The following SHTN1 variants were observed in gnomAD, a reference collection of about 807,000 sequenced individuals.
The protein encoded by SHTN1 is shootin 1.
A neutral mutation model predicts 83.1 loss-of-function variants in SHTN1; 42 were observed. The observed-to-expected ratio is 0.51, with a 90% CI of 0.39 to 0.65. SHTN1 has a LOEUF of 0.65. Ranked by LOEUF, SHTN1 falls within the 30% of genes least tolerant of loss-of-function variation. SHTN1 has a pLI of 0.00. For synonymous variants in SHTN1, 224 were observed against 247.7 expected, an observed-to-expected ratio of 0.90 and a Z score of 0.90; for missense variants, 622 against 737.8, an observed-to-expected ratio of 0.84 and a Z score of 1.82.
intron 1 of SHTN1, among the ~76,000 whole-genome samples, chr10:117,108,778 T>C (rs565548402): frequency 6.6e-6 from 1 of 152,210 alleles, no homozygotes; most frequent in African/African-American, 2.4e-5. Flanking sequence ...ATGAAATTAG[T>C]GGACATTAGC....
intron 1 of SHTN1, among the ~76,000 whole-genome samples, chr10:117,061,360 C>A (rs1001945735): frequency 1.3e-5 from 2 of 151,912 alleles, no homozygotes; most frequent in African/African-American, 4.8e-5. Flanking sequence ...CCATGCCCAG[C>A]TAATTTTTGT....
At chr10:116,982,900 T>TTGCAGTGAG (rs1851078378) in intron 1 of SHTN1, among the ~76,000 whole-genome samples, 1 of 151,200 alleles carries the variant, frequency 6.6e-6, no homozygotes, top group South Asian at 2.1e-4. Flanking sequence ...GAGGCGGAGG[T>TTGCAGTGAG]TGCAGTGAGC....
In SHTN1 at chr10:117,116,896, G is replaced by C. The variant is rs546351479; in HGVS notation, c.-189+9411C>G. Among the ~76,000 whole-genome samples the C allele has an allele frequency of 3.2e-3, 492 of 152,078 alleles. 1 individual carries two copies. Among genetic ancestry groups the C allele is most frequent in the African/African-American group, 0.011 (469 of 41,514 alleles). ...AAAAATGCTCATCAAATTATATATA[G>C]CAGGAATATACCTCAAAATAATAAA... On this transcript the variant is annotated intron_variant, in intron 1 of 17. Transcript: ENST00000392901.
chr10:117,048,653 G>A (rs1223870786), intron 1 of SHTN1: 5 of 177,904 alleles, frequency 2.8e-5, no homozygotes, highest in East Asian at 3.8e-4. Flanking sequence ...GAATTTTGCC[G>A]CCCACATTGA....
chr10:116,881,739 C>A lies in SHTN1; in HGVS notation c.*4605G>T. 8.3e-7 allele frequency: 1 copy of A among 1,197,622 alleles called. No individual in the cohort carries two copies. The highest frequency in any genetic ancestry group is 1.1e-6 in the Non-Finnish European group (1 of 920,458). The allele number at this position is 1,197,622 out of a possible 1,614,324, so 74.2% of individuals were successfully genotyped here. On this transcript the variant is annotated 3_prime_UTR_variant, in exon 17 of 17. Coordinates refer to ENST00000355371, the MANE Select transcript of SHTN1 (RefSeq NM_001127211.3). Reference sequence around the variant, plus strand: ...GACCGGGAGGTCTGAAGTACGGCGCCGTGTCTCCACATGGAGTTTCCTCTT... The same window carrying A: ...GACCGGGAGGTCTGAAGTACGGCGCAGTGTCTCCACATGGAGTTTCCTCTT...
intron 2 of SHTN1, among the ~76,000 whole-genome samples, chr10:117,041,691 A>G (rs1223211171): frequency 6.6e-6 from 1 of 152,158 alleles, no homozygotes; most frequent in Non-Finnish European, 1.5e-5. Flanking sequence ...TTTTCTCACA[A>G]TTCTAGAGAA....
At chr10:116,900,619 T>C (rs1459736247) in intron 16 of SHTN1, 7 of 1,526,450 alleles carry the variant, frequency 4.6e-6, no homozygotes, top group Middle Eastern at 1.8e-4. Context: ...CTCAGCCAAA[T>C]TGCTTTTGTG....
At chr10:116,999,391 T>C (rs1265237576) in intron 1 of SHTN1, among the ~76,000 whole-genome samples, 2 of 152,192 alleles carry the variant, frequency 1.3e-5, no homozygotes, top group East Asian at 3.9e-4. Flanking sequence ...GCATGCATTG[T>C]CAATGTAGTG....
intron 7 of SHTN1, among the ~76,000 whole-genome samples, chr10:116,945,993 TAG>T (rs370053873): frequency 1.3e-4 from 20 of 152,220 alleles, no homozygotes; most frequent in African/African-American, 4.3e-4. Context: ...TCCATTTACA[TAG>T]AGTTCAAAAA....
chr10:116,944,844 T>C, intron 8 of SHTN1, 80 bp downstream of exon 8: 2 of 858,088 alleles, frequency 2.3e-6, no homozygotes, highest in Non-Finnish European at 3.9e-6. Flanking sequence ...TGAGCCGAGA[T>C]TGCGCCACTG....
intron 1 of SHTN1, among the ~76,000 whole-genome samples, chr10:117,084,555 T>C (rs1337291162): frequency 2.0e-5 from 3 of 152,196 alleles, no homozygotes; most frequent in Non-Finnish European, 4.4e-5. Context: ...TGAGCTGTGG[T>C]GGGCTCCACC....
intron 1 of SHTN1, among the ~76,000 whole-genome samples, chr10:117,068,756 T>C (rs945493500): frequency 9.2e-5 from 14 of 152,180 alleles, no homozygotes; most frequent in African/African-American, 3.1e-4. Context: ...ATGAAATGTA[T>C]ATTGAAATAT....
At chr10:116,955,308 A>C (rs1331430834) in intron 4 of SHTN1, among the ~76,000 whole-genome samples, 1 of 152,148 alleles carries the variant, frequency 6.6e-6, no homozygotes, top group Admixed American at 6.6e-5. Context: ...GGTTTTGCTC[A>C]TATTTTCTCT....
intron 13 of SHTN1, among the ~76,000 whole-genome samples, chr10:116,914,048 T>A (rs1848295398): frequency 6.6e-6 from 1 of 152,260 alleles, no homozygotes; most frequent in South Asian, 2.1e-4. Flanking sequence ...TCTGTTTCCT[T>A]AGATGTAAAT....
chr10:116,926,493 G>C (rs974221564), intron 11 of SHTN1, among the ~76,000 whole-genome samples: 9 of 152,098 alleles, frequency 5.9e-5, no homozygotes, highest in African/African-American at 1.7e-4. Flanking sequence ...AAATTATTTT[G>C]CCTTAACTAC....
At chr10:116,990,101 T>C (rs927813879) in intron 1 of SHTN1, among the ~76,000 whole-genome samples, 2 of 152,120 alleles carry the variant, frequency 1.3e-5, no homozygotes, top group Non-Finnish European at 2.9e-5. Flanking sequence ...TAAAAATTTT[T>C]CCTTGTTCCT....
At chr10:117,096,134 A>C (rs1853500360) in intron 1 of SHTN1, among the ~76,000 whole-genome samples, 1 of 152,236 alleles carries the variant, frequency 6.6e-6, no homozygotes, top group Non-Finnish European at 1.5e-5. Flanking sequence ...ATTCCTGAAC[A>C]TAAAAAGATA....
At chr10:116,926,263 C>T (rs11197849) in intron 11 of SHTN1, among the ~76,000 whole-genome samples, 3,111 of 152,252 alleles carry the variant, frequency 0.02, 108 homozygotes, top group African/African-American at 0.071. Flanking sequence ...AGGCCAACAG[C>T]AAGACTGTAA....
chr10:116,978,506 T>C (rs1850891366), intron 2 of SHTN1, among the ~76,000 whole-genome samples: 1 of 152,112 alleles, frequency 6.6e-6, no homozygotes, highest in Middle Eastern at 3.4e-3. Context: ...AAATAGGCAG[T>C]CTGCTTTCTT....
Sources: gnomAD v4.1 joint callset for allele counts (sites outside exome capture counted in the v4.1 genomes callset) on GRCh38, gnomAD v4.1.1 for gene constraint, MANE v1.5 for transcripts, NCBI Gene and HGNC (gene_info 2026-07-23, HGNC 2026-07-21) for gene names.